The following RAB2A variants were observed in gnomAD, a reference collection of about 807,000 sequenced individuals.
The protein encoded by RAB2A is ras-related protein Rab-2A.
In RAB2A, 7 loss-of-function variants were observed where a neutral mutation model predicts 32.5. The observed-to-expected ratio is 0.22, with a 90% CI of 0.12 to 0.40. The LOEUF (loss-of-function observed/expected upper bound fraction) is 0.40. Ranked by LOEUF, RAB2A falls within the 10% of genes least tolerant of loss-of-function variation. The probability of loss-of-function intolerance (pLI) is 1.00; values close to 1 mark genes in which losing one functional copy is unlikely to be tolerated. For synonymous variants in RAB2A, 79 were observed against 85.2 expected, an observed-to-expected ratio of 0.93 and a Z score of 0.40; for missense variants, 108 against 260.7, an observed-to-expected ratio of 0.41 and a Z score of 4.03.
At chr8:60,620,445 C>G (rs1431330709) in intron 7 of RAB2A, among the ~76,000 whole-genome samples, 1 of 152,086 alleles carries the variant, frequency 6.6e-6, no homozygotes, top group Non-Finnish European at 1.5e-5. Flanking sequence ...AACTGTTTAC[C>G]CCGTACCTGG....
intron 6 of RAB2A, 97 bp downstream of exon 6, chr8:60,592,066 G>A: frequency 1.5e-6 from 1 of 651,164 alleles, no homozygotes; most frequent in Non-Finnish European, 2.5e-6. Context: ...TAGTCGGATG[G>A]TCTTTGAACA....
intron 1 of RAB2A, among the ~76,000 whole-genome samples, chr8:60,520,022 C>T (rs1439626715): frequency 1.3e-5 from 2 of 152,110 alleles, no homozygotes; most frequent in African/African-American, 4.8e-5. Context: ...TTTAAAAAGT[C>T]AGGGTCAAAA....
chr8:60,612,839 G>A (rs887454641), intron 6 of RAB2A, among the ~76,000 whole-genome samples: 4 of 152,180 alleles, frequency 2.6e-5, no homozygotes, highest in Middle Eastern at 3.2e-3. Context: ...GAAAGAGGCG[G>A]GGAAGAGGCA....
At chr8:60,599,622 C>T (rs928361101) in intron 6 of RAB2A, among the ~76,000 whole-genome samples, 11 of 152,168 alleles carry the variant, frequency 7.2e-5, no homozygotes, top group Middle Eastern at 3.4e-3. Flanking sequence ...TGGAAACACG[C>T]GTACAAATAT....
intron 1 of RAB2A, among the ~76,000 whole-genome samples, chr8:60,540,648 T>G (rs1333007592): frequency 6.6e-6 from 1 of 152,130 alleles, no homozygotes; most frequent in African/African-American, 2.4e-5. Context: ...CCTGGCTAAT[T>G]TTGTTACATT....
At chr8:60,600,515 C>T (rs1213030420) in intron 6 of RAB2A, among the ~76,000 whole-genome samples, 2 of 152,190 alleles carry the variant, frequency 1.3e-5, no homozygotes, top group Non-Finnish European at 2.9e-5. Context: ...AAACACTAAA[C>T]ATGCAGCTAC....
At chr8:60,611,884 A>T (rs537116995) in intron 6 of RAB2A, among the ~76,000 whole-genome samples, 1 of 152,240 alleles carries the variant, frequency 6.6e-6, no homozygotes, top group Non-Finnish European at 1.5e-5. Context: ...TTTTAAAACT[A>T]TTAAGTTTAC....
At chr8:60,614,896 T>C (rs1236445598) in intron 6 of RAB2A, among the ~76,000 whole-genome samples, 5 of 152,296 alleles carry the variant, frequency 3.3e-5, no homozygotes, top group Admixed American at 1.3e-4. Context: ...AGGCTTCTTT[T>C]ACTGCAACAG....
chr8:60,557,028 A>G (rs1037784992), intron 1 of RAB2A, among the ~76,000 whole-genome samples: 1 of 152,208 alleles, frequency 6.6e-6, no homozygotes, highest in East Asian at 1.9e-4. Context: ...GGTATGCTTG[A>G]TAACTAACTC....
In RAB2A at chr8:60,582,516, GTTGTTTTT is replaced by G. The variant is rs549232191; in HGVS notation, c.187-1683_187-1676del. 1.7e-4 allele frequency among the ~76,000 whole-genome samples: 26 copies of G among 152,160 alleles called. 1 individual carries two copies. In the South Asian group the frequency reaches 5.2e-3, roughly 30 times the overall value. On this transcript the variant is annotated intron_variant, in intron 3 of 7. Coordinates refer to ENST00000262646, the MANE Select transcript of RAB2A (RefSeq NM_002865.3). Reference sequence around the variant, plus strand: ...TTAGGATTTCTTGTTTCACTTTTTTGTTGTTTTTTTGTTTTTGTTTTTGGAGACAAGGT... The same window carrying G: ...TTAGGATTTCTTGTTTCACTTTTTTGTTGTTTTTGTTTTTGGAGACAAGGT...
chr8:60,613,327 CA>C (rs1804391502), intron 6 of RAB2A, among the ~76,000 whole-genome samples: 1 of 152,180 alleles, frequency 6.6e-6, no homozygotes. Flanking sequence ...ACAGCTGACA[CA>C]CCTATTGGGT....
At chr8:60,553,348 C>T (rs1364162270) in intron 1 of RAB2A, among the ~76,000 whole-genome samples, 1 of 152,164 alleles carries the variant, frequency 6.6e-6, no homozygotes, top group Non-Finnish European at 1.5e-5. Context: ...CACTTAAAGT[C>T]AGCTGATTAT....
At chr8:60,549,241 G>A (rs1200386718) in intron 1 of RAB2A, among the ~76,000 whole-genome samples, 4 of 152,138 alleles carry the variant, frequency 2.6e-5, no homozygotes, top group East Asian at 1.9e-4. Flanking sequence ...ACGGGGTGGC[G>A]GCCGGGCAGA....
rs537848262 is a variant in RAB2A at position 60,571,904 on chromosome 8, A to G, written c.119-142A>G. Reference sequence around the variant, plus strand: ...TCTTCCTTAGCTTATGTATTTTCTAAGTATAGGAACTGCATTTGTTAAAGT... The same window carrying G: ...TCTTCCTTAGCTTATGTATTTTCTAGGTATAGGAACTGCATTTGTTAAAGT... On this transcript the variant is annotated intron_variant, in intron 2 of 7. Transcript: ENST00000262646. 2.1e-4 allele frequency: 100 copies of G among 472,750 alleles called. 3 individuals carry two copies. Among genetic ancestry groups the G allele is most frequent in the South Asian group, 1.4e-3 (58 of 41,378 alleles). The allele number at this position is 472,750 out of a possible 1,614,324, so 29.3% of individuals were successfully genotyped here.
Position 60,620,995 on chromosome 8 carries a change from T to C in RAB2A, c.*226T>C. 2.2e-6 allele frequency: 1 copy of C among 459,652 alleles called. No homozygotes were observed. Among genetic ancestry groups the C allele is most frequent in the East Asian group, 3.8e-5 (1 of 26,366 alleles). The allele number at this position is 459,652 out of a possible 1,614,324, so 28.5% of individuals were successfully genotyped here. On this transcript the variant is annotated 3_prime_UTR_variant, in exon 8 of 8. Transcript: ENST00000262646. ...TATTTGCATTTGATTTCTAGGTCAA[T>C]TGATGTGATTATTTTTGTTAAATGT...
Position 60,519,517 on chromosome 8 carries a change from C to T in RAB2A, c.46+2264C>T, listed in dbSNP as rs1256687817. ...CTTCACAGTCAACATATATTAAGCT[C>T]TTATTGTGTGAAGATTTTCACAGTA... On this transcript the variant is annotated intron_variant, in intron 1 of 7. Transcript: ENST00000262646. Among the ~76,000 whole-genome samples the T allele has an allele frequency of 2.0e-5, 3 of 152,162 alleles. No homozygotes were observed. The East Asian group carries it at 5.8e-4, about 29-fold the overall frequency.
chr8:60,529,171 A>G (rs1807438762), intron 1 of RAB2A, among the ~76,000 whole-genome samples: 2 of 151,920 alleles, frequency 1.3e-5, no homozygotes, highest in South Asian at 4.1e-4. Flanking sequence ...TAGAGACTGT[A>G]GGCTATATGT....
At chr8:60,579,682 C>A (rs1039257801) in intron 3 of RAB2A, among the ~76,000 whole-genome samples, 1 of 151,694 alleles carries the variant, frequency 6.6e-6, no homozygotes, top group Non-Finnish European at 1.5e-5. Flanking sequence ...GGCTGGAGTG[C>A]GGTGGCGCAG....
chr8:60,584,643 CTT>C lies in RAB2A; in HGVS notation c.270-78_270-77del, dbSNP rs1803819215. 23 of 1,227,402 alleles carry C rather than the reference CTT, an allele frequency of 1.9e-5. No homozygotes were observed. In the South Asian group the frequency reaches 2.8e-4, roughly 15 times the overall value. 76.0% of individuals were successfully genotyped at this position (1,227,402 alleles called of 1,614,324 possible). On this transcript the variant is annotated intron_variant, in intron 4 of 7. Transcript: ENST00000262646. Reference sequence around the variant, plus strand: ...AGTGGATATGGCTAAAAGTGGTTCTCTTTAAAAATATGTATATTGTTCGTTGT... The same window carrying C: ...AGTGGATATGGCTAAAAGTGGTTCTCTAAAAATATGTATATTGTTCGTTGT...
Sources: allele counts gnomAD v4.1 joint callset (sites outside exome capture counted in the v4.1 genomes callset), GRCh38; gene constraint gnomAD v4.1.1; transcripts MANE v1.5; gene names NCBI Gene and HGNC (gene_info 2026-07-23, HGNC 2026-07-21).